RRM1: variants seen among roughly 807,000 people sequenced by gnomAD.
The protein encoded by RRM1 is ribonucleotide reductase catalytic subunit M1.
In RRM1, 19 loss-of-function variants were observed where a neutral mutation model predicts 101.5. The observed-to-expected ratio is 0.19, with a 90% CI of 0.13 to 0.27. RRM1 has a LOEUF of 0.27. Ranked by LOEUF, RRM1 falls within the 10% of genes least tolerant of loss-of-function variation. RRM1 has a pLI of 1.00. For synonymous variants in RRM1, 298 were observed against 323.4 expected, an observed-to-expected ratio of 0.92 and a Z score of 0.84; for missense variants, 500 against 962.9, an observed-to-expected ratio of 0.52 and a Z score of 6.36.
Position 4,132,859 on chromosome 11 carries a change from C to G in RRM1, c.1905+438C>G, listed in dbSNP as rs1189440975. Among the ~76,000 whole-genome samples the G allele has an allele frequency of 1.3e-5, 2 of 151,960 alleles. No homozygotes were observed. Among genetic ancestry groups the G allele is most frequent in the Non-Finnish European group, 2.9e-5 (2 of 68,000 alleles). ...TTGTTTTTAAGGTTCCCAGGTAATT[C>G]TTATGTGTAGCTAGGGTTGAGAACC... is the stretch of plus-strand genomic sequence containing the variant. On this transcript the variant is annotated intron_variant, in intron 16 of 18. Coordinates refer to ENST00000300738, the MANE Select transcript of RRM1 (RefSeq NM_001033.5). The surrounding 1 kb of genome is among the most constrained non-coding windows in gnomAD (Gnocchi z 4.1).
chr11:4,137,121 G>T (rs1374930197), intron 18 of RRM1: 4 of 243,746 alleles, frequency 1.6e-5, no homozygotes, highest in Non-Finnish European at 3.2e-5. Flanking sequence ...CAAGGCAGAA[G>T]AATTTTTCTT....
At chr11:4,136,750 GTTTGT>G (rs2094610884) in intron 18 of RRM1, among the ~76,000 whole-genome samples, 1 of 151,506 alleles carries the variant, frequency 6.6e-6, no homozygotes, top group South Asian at 2.1e-4. Flanking sequence ...TTGTTTGTTT[GTTTGT>G]TTTTTCTTTT....
intron 5 of RRM1, 121 bp from the exon 6 acceptor site, chr11:4,111,480 T>C: frequency 1.7e-6 from 1 of 571,492 alleles, no homozygotes; most frequent in South Asian, 3.3e-5. Flanking sequence ...TGCTATTCTT[T>C]TCATTTGAAA....
At chr11:4,120,660 C>T (rs2094580369) in intron 9 of RRM1, among the ~76,000 whole-genome samples, 1 of 152,146 alleles carries the variant, frequency 6.6e-6, no homozygotes, top group South Asian at 2.1e-4. Context: ...GCCACTGCAC[C>T]TCGCCTAGGT....
In RRM1 at chr11:4,126,620, T is replaced by C. The variant is rs140301108; in HGVS notation, c.1321-64T>C. On this transcript the variant is annotated intron_variant, in intron 12 of 18. Transcript: ENST00000300738. ...TGAGTATTAGAGGCTCACATGGTGG[T>C]GTAATTGACACAGGAAGTAGAAATA... 2.1e-6 allele frequency: 3 copies of C among 1,462,528 alleles called. No homozygotes were observed. In the African/African-American group the frequency reaches 4.2e-5, roughly 21 times the overall value. The allele number at this position is 1,462,528 out of a possible 1,614,324, so 90.6% of individuals were successfully genotyped here. A position where few individuals can be genotyped will look rare whatever the true frequency, so the allele number is the denominator to read the frequency against.
intron 11 of RRM1, among the ~76,000 whole-genome samples, 176 bp from the exon 12 acceptor site, chr11:4,123,007 A>G (rs2094584126): frequency 6.6e-6 from 1 of 152,154 alleles, no homozygotes; most frequent in Non-Finnish European, 1.5e-5. Flanking sequence ...AAACTGCCTC[A>G]TTTTCCCCTA....
chr11:4,115,507 CAA>C (rs1217828429), intron 7 of RRM1, among the ~76,000 whole-genome samples: 21 of 105,104 alleles, frequency 2.0e-4, no homozygotes, highest in Admixed American at 3.0e-4. Flanking sequence ...GGGAGCACTC[CAA>C]AAAAAAAAAA....
At chr11:4,118,209 A>G in intron 7 of RRM1, 111 bp from the exon 8 acceptor site, 2 of 1,096,630 alleles carry the variant, frequency 1.8e-6, no homozygotes, top group Non-Finnish European at 2.6e-6. Flanking sequence ...GGAACTTTCT[A>G]AACTTCAACT....
rs574912122 is a variant in RRM1 at position 4,122,888 on chromosome 11, A to C, written c.1119-295A>C. ...ACTCCGTCTCAAAAAAAAAAAAAGG[A>C]AAAAAATTTAGCACAGTCTTAAGAG... On this transcript the variant is annotated intron_variant, in intron 11 of 18. Transcript: ENST00000300738. Among the ~76,000 whole-genome samples, 4 of 150,874 alleles carry C rather than the reference A, an allele frequency of 2.7e-5. No individual in the cohort carries two copies. In the East Asian group the frequency reaches 7.7e-4, roughly 29 times the overall value.
intron 9 of RRM1, 41 bp from the exon 10 acceptor site, chr11:4,121,563 C>T (rs1454638358): frequency 1.3e-6 from 2 of 1,513,244 alleles, no homozygotes; most frequent in Non-Finnish European, 1.8e-6. Context: ...TTCTTTGTTT[C>T]ATTTTTATTC....
At chr11:4,128,040 T>G (rs982091508) in intron 14 of RRM1, among the ~76,000 whole-genome samples, 2 of 152,162 alleles carry the variant, frequency 1.3e-5, no homozygotes, top group African/African-American at 4.8e-5. Flanking sequence ...CTTGCTTCTT[T>G]AAGGCCAGTG....
chr11:4,098,474 C>G (rs1838919427), intron 1 of RRM1, among the ~76,000 whole-genome samples: 1 of 143,326 alleles, frequency 7.0e-6, no homozygotes, highest in Non-Finnish European at 1.5e-5. Flanking sequence ...TATTTTACAA[C>G]TCTGTGGATA....
At chr11:4,135,470 T>C (rs1418253315) in intron 18 of RRM1, among the ~76,000 whole-genome samples, 200 bp downstream of exon 18, 1 of 152,258 alleles carries the variant, frequency 6.6e-6, no homozygotes, top group Admixed American at 6.5e-5. Context: ...TTAGGTTTAT[T>C]TCCTTCTTAG....
At position 4,107,528 on chromosome 11, in the gene RRM1, A is replaced by G. The variant is rs376394680; in HGVS notation, c.380A>G (p.Asn127Ser). 4.4e-6 allele frequency: 7 copies of G among 1,606,276 alleles called. No individual in the cohort carries two copies. In the Admixed American group the frequency reaches 5.0e-5, roughly 11 times the overall value. Reference sequence around the variant, plus strand: ...TCAACATTGGATATTGTTCTGGCCAATAAAGATGTATGTATAACACTTATC... The same window carrying G: ...TCAACATTGGATATTGTTCTGGCCAGTAAAGATGTATGTATAACACTTATC... ...AKSTLDIVLA[N>S]KDRLNSAIIY... Residue 127 changes from asparagine to serine, a missense_variant, in exon 4 of 19, where the codon AAT (asparagine) becomes AGT (serine). Transcript: ENST00000300738.
chr11:4,104,692 G>A (rs1358270242), intron 2 of RRM1, among the ~76,000 whole-genome samples: 2 of 152,196 alleles, frequency 1.3e-5, no homozygotes, highest in Non-Finnish European at 2.9e-5. Context: ...ATTGTGAAAT[G>A]TCAGAGATTA....
chr11:4,112,552 T>TG (rs1460430245), intron 7 of RRM1, among the ~76,000 whole-genome samples: 3 of 152,144 alleles, frequency 2.0e-5, no homozygotes, highest in Non-Finnish European at 4.4e-5. Flanking sequence ...TTAGTAGAGA[T>TG]GGGGTTTCAC....
Position 4,129,054 on chromosome 11 carries a change from T to A in RRM1, c.1693-20T>A. On this transcript the variant is annotated intron_variant, in intron 14 of 18. Transcript: ENST00000300738. ...AGTTTTAACTTGCTGTAGAATAAAT[T>A]TGAGTTGTGTATTCCTTAGATTCTT... 7.0e-7 allele frequency: 1 copy of A among 1,437,944 alleles called. No homozygotes were observed. The highest frequency in any genetic ancestry group is 9.5e-7 in the Non-Finnish European group (1 of 1,050,812). 89.1% of individuals were successfully genotyped at this position (1,437,944 alleles called of 1,614,324 possible).
intron 5 of RRM1, among the ~76,000 whole-genome samples, chr11:4,110,733 C>T (rs1393005112): frequency 2.0e-5 from 3 of 147,522 alleles, no homozygotes; most frequent in African/African-American, 7.6e-5. Flanking sequence ...CGTGGCACTG[C>T]ACTCCAGCCT....
chr11:4,111,410 CA>C (rs1165163692), intron 5 of RRM1, among the ~76,000 whole-genome samples, 190 bp from the exon 6 acceptor site: 4,064 of 73,728 alleles, frequency 0.055, 147 homozygotes, highest in African/African-American at 0.15. Flanking sequence ...GACTCTGTCT[CA>C]AAAAAAAAAA....
Sources: gnomAD v4.1 joint callset for allele counts (sites outside exome capture counted in the v4.1 genomes callset) on GRCh38, gnomAD v4.1.1 for gene constraint, Gnocchi (gnomAD v3.1) non-coding constraint, MANE v1.5 for transcripts, NCBI Gene and HGNC (gene_info 2026-07-23, HGNC 2026-07-21) for gene names.